Variants in DMP1 observed in about 807,000 individuals in gnomAD.
The protein encoded by DMP1 is dentin matrix acidic phosphoprotein 1.
In DMP1, 20 loss-of-function variants were observed where a neutral mutation model predicts 14.6. The ratio of observed to expected loss-of-function variants is 1.37; its 90% CI spans 0.96 to 1.99. The LOEUF (loss-of-function observed/expected upper bound fraction) is 1.99. DMP1 is among the 30% of genes most tolerant of loss of function. The probability of loss-of-function intolerance (pLI) is 0.00; values close to 1 mark genes in which losing one functional copy is unlikely to be tolerated. For missense variants in DMP1, 567 were observed against 620.5 expected (o/e 0.91, Z 0.92); for synonymous variants, 197 against 215.3 (o/e 0.91, Z 0.75).
At chr4:87,650,947 T>A (rs1728518179) in intron 1 of DMP1, among the ~76,000 whole-genome samples, 2 of 152,222 alleles carry the variant, frequency 1.3e-5, no homozygotes, top group Non-Finnish European at 2.9e-5. Context: ...TTTGTATTCA[T>A]GTTAGCATGA....
rs746483833 is a variant in DMP1 at position 87,662,406 on chromosome 4, T to C, written c.628T>C (p.Leu210=). ...GESSHGDGSE[L]DDEGMQSDDP... is the part of the protein sequence containing the mutation. ...GAGCAGCCATGGAGACGGCTCCGAG[T>C]TGGACGATGAGGGAATGCAGAGTGA... Residue 210 remains leucine, a synonymous_variant, in exon 6 of 6, where the codon TTG becomes CTG. Coordinates refer to ENST00000339673, the MANE Select transcript of DMP1 (RefSeq NM_004407.4). The C allele has an allele frequency of 4.3e-6, 7 of 1,613,278 alleles. No individual in the cohort carries two copies. The highest frequency in any genetic ancestry group is 5.1e-6 in the Non-Finnish European group (6 of 1,179,818).
intron 5 of DMP1, 67 bp downstream of exon 5, chr4:87,659,545 A>C (rs979392871): frequency 1.4e-6 from 2 of 1,417,670 alleles, no homozygotes; most frequent in African/African-American, 2.8e-5. Context: ...TGTTAGATTA[A>C]ATTACCTGGC....
chr4:87,656,610 T>A, intron 2 of DMP1, 64 bp downstream of exon 2: 1 of 1,101,912 alleles, frequency 9.1e-7, no homozygotes, highest in African/African-American at 1.5e-5. Flanking sequence ...CAATTTTGAT[T>A]GGCTATGAAC....
chr4:87,659,553 G>C, intron 5 of DMP1, 75 bp downstream of exon 5: 2 of 1,343,424 alleles, frequency 1.5e-6, no homozygotes, highest in Non-Finnish European at 2.1e-6. Flanking sequence ...TAAATTACCT[G>C]GCGACAGTTC....
intron 3 of DMP1, 47 bp downstream of exon 3, chr4:87,657,126 A>G: frequency 9.0e-7 from 1 of 1,115,898 alleles, no homozygotes; most frequent in Admixed American, 1.7e-5. Context: ...TTAATTTATT[A>G]TGAGTATAAC....
chr4:87,657,173 G>A, intron 3 of DMP1, 94 bp downstream of exon 3: 1 of 740,814 alleles, frequency 1.3e-6, no homozygotes, highest in South Asian at 1.6e-5. Flanking sequence ...AACTGCTAAT[G>A]ACTTCATCAG....
intron 1 of DMP1, among the ~76,000 whole-genome samples, chr4:87,651,019 T>C (rs1728519945): frequency 6.6e-6 from 1 of 152,152 alleles, no homozygotes; most frequent in South Asian, 2.1e-4. Context: ...AAATATTGCA[T>C]TTTAAAACAT....
rs1459746248 is a variant in DMP1 at position 87,659,214 on chromosome 4, T to C, written c.103-6T>C. On this transcript the variant is annotated splice_region_variant and splice_polypyrimidine_tract_variant and intron_variant, in intron 3 of 5. Coordinates refer to ENST00000339673, the MANE Select transcript of DMP1 (RefSeq NM_004407.4). ...AATTTGTTTTCCTTCCTTTCCTTTT[T>C]TGCAGGGTCATTTGGCTCAGGCACC... The C allele has an allele frequency of 6.2e-7, 1 of 1,614,092 alleles. No homozygotes were observed. The highest frequency in any genetic ancestry group is 1.1e-5 in the South Asian group (1 of 91,078).
At chr4:87,654,826 C>G (rs192802321) in intron 1 of DMP1, among the ~76,000 whole-genome samples, 1 of 152,306 alleles carries the variant, frequency 6.6e-6, no homozygotes, top group Non-Finnish European at 1.5e-5. Context: ...AGACATGCAT[C>G]TGTCTCAGGT....
chr4:87,661,147 C>G (rs996528291), intron 5 of DMP1, among the ~76,000 whole-genome samples: 2 of 150,702 alleles, frequency 1.3e-5, no homozygotes, highest in African/African-American at 4.9e-5. Context: ...AAGTGATTCT[C>G]CTGCCTCAGC....
At chr4:87,650,773 A>G (rs1473441928) in intron 1 of DMP1, among the ~76,000 whole-genome samples, 2 of 151,978 alleles carry the variant, frequency 1.3e-5, no homozygotes, top group East Asian at 1.9e-4. Context: ...CAAGATTGTG[A>G]AAAAAAAGCT....
At chr4:87,657,985 T>C (rs1454586661) in intron 3 of DMP1, among the ~76,000 whole-genome samples, 2 of 152,196 alleles carry the variant, frequency 1.3e-5, no homozygotes, top group African/African-American at 2.4e-5. Flanking sequence ...TATTATGAAC[T>C]TTCTTCAGAG....
intron 1 of DMP1, among the ~76,000 whole-genome samples, chr4:87,650,652 G>A (rs951247141): frequency 6.6e-6 from 1 of 152,110 alleles, no homozygotes; most frequent in Non-Finnish European, 1.5e-5. Context: ...AAAAGGGATA[G>A]TTTATAGAAC....
intron 1 of DMP1, among the ~76,000 whole-genome samples, chr4:87,650,634 A>G (rs1728509869): frequency 6.6e-6 from 1 of 152,168 alleles, no homozygotes; most frequent in Admixed American, 6.6e-5. Flanking sequence ...TCTCTGCATG[A>G]CACTTCTAAA....
At chr4:87,655,707 T>G (rs1728669214) in intron 1 of DMP1, among the ~76,000 whole-genome samples, 1 of 152,084 alleles carries the variant, frequency 6.6e-6, no homozygotes, top group African/African-American at 2.4e-5. Flanking sequence ...TGTGTTTGTG[T>G]GTGTGTGAAA....
Position 87,663,150 on chromosome 4 carries a change from G to A in DMP1, c.1372G>A (p.Asp458Asn). ...HSEEDDSDSQ[D>N]SSRSKEDSNS... ...TGAGGAAGACGACAGTGACTCTCAA[G>A]ACAGCAGCAGATCCAAAGAAGATAG... Residue 458 changes from aspartate to asparagine, a missense_variant, in exon 6 of 6, where the codon GAC becomes AAC. Asp to Asn is a conservative substitution (Grantham distance 23, BLOSUM62 1). Coordinates refer to ENST00000339673, the MANE Select transcript of DMP1 (RefSeq NM_004407.4). 6.2e-7 allele frequency: 1 copy of A among 1,614,190 alleles called. No homozygotes were observed. The highest frequency in any genetic ancestry group is 8.5e-7 in the Non-Finnish European group (1 of 1,180,042).
Position 87,662,095 on chromosome 4 carries a change from AAGATGACAGTGG to A in DMP1, c.326_337del (p.Ser109_Asp112del), listed in dbSNP as rs1383022613. The A allele has an allele frequency of 1.9e-6, 3 of 1,614,222 alleles. No individual in the cohort carries two copies. In the South Asian group the frequency reaches 3.3e-5, roughly 18 times the overall value. On this transcript the variant is annotated inframe_deletion, in exon 6 of 6. Transcript: ENST00000339673. ...GGAGGAGATGATAAAGATGACGATG[AAGATGACAGTGG>A]AGATGACACCTTTGGTGACGATGAC... is the stretch of plus-strand genomic sequence containing the variant.
intron 5 of DMP1, among the ~76,000 whole-genome samples, chr4:87,661,151 C>T (rs1728855363): frequency 6.6e-6 from 1 of 150,940 alleles, no homozygotes; most frequent in Non-Finnish European, 1.5e-5. Flanking sequence ...GATTCTCCTG[C>T]CTCAGCCTCC....
At chr4:87,659,557 A>G (rs906430220) in intron 5 of DMP1, 79 bp downstream of exon 5, 1 of 1,312,650 alleles carries the variant, frequency 7.6e-7, no homozygotes, top group Admixed American at 1.7e-5. Context: ...TTACCTGGCG[A>G]CAGTTCTAAA....
Sources: allele counts gnomAD v4.1 joint callset (sites outside exome capture counted in the v4.1 genomes callset), GRCh38; gene constraint gnomAD v4.1.1; transcripts MANE v1.5; gene names NCBI Gene and HGNC (gene_info 2026-07-23, HGNC 2026-07-21).